MPDZ: variants seen among roughly 807,000 people sequenced by gnomAD.
The protein encoded by MPDZ is multiple PDZ domain crumbs cell polarity complex component.
In MPDZ, 234 loss-of-function variants were observed where a neutral mutation model predicts 239.1. The ratio of observed to expected loss-of-function variants is 0.98; its 90% CI spans 0.88 to 1.09. MPDZ has a LOEUF of 1.09. MPDZ is among the 50% of genes least tolerant of loss of function. The pLI is 0.00. For missense variants in MPDZ, 3,175 were observed against 2,510.0 expected (o/e 1.26, Z -5.66); for synonymous variants, 1,048 against 881.3 (o/e 1.19, Z -3.35).
intron 41 of MPDZ, 22 bp downstream of exon 41, chr9:13,113,909 T>TA (rs776472458): frequency 3.2e-6 from 5 of 1,552,228 alleles, no homozygotes; most frequent in Non-Finnish European, 8.7e-7. Flanking sequence ...AAACCATGTT[T>TA]AAAATACTGA....
At chr9:13,160,867 T>TAA (rs1416127048) in intron 23 of MPDZ, among the ~76,000 whole-genome samples, 6 of 128,732 alleles carry the variant, frequency 4.7e-5, no homozygotes, top group Admixed American at 1.5e-4. Context: ...TATATATATA[T>TAA]ATAAAACAGG....
chr9:13,216,775 G>T lies in MPDZ; in HGVS notation c.1289C>A (p.Ala430Glu). 1 of 1,596,716 alleles carries T rather than the reference G, an allele frequency of 6.3e-7. No homozygotes were observed. The highest frequency in any genetic ancestry group is 8.6e-7 in the Non-Finnish European group (1 of 1,166,550). ...GRIQIGDQIIAVDGTNLQGFT... is the reference protein window; with the variant it reads ...GRIQIGDQIIEVDGTNLQGFT... Reference sequence around the variant, plus strand: ...GCTATTGTTAAATGTGTAACTTACTGCTATAATTTGGTCTCCAATTTGGAT... The same window carrying T: ...GCTATTGTTAAATGTGTAACTTACTTCTATAATTTGGTCTCCAATTTGGAT... The change falls in exon 10 of 47, where the codon GCA becomes GAA. Residue 430 changes from alanine (A) to glutamate (E), a missense_variant and splice_region_variant. Ala to Glu is a moderately radical substitution (Grantham distance 107). Coordinates refer to ENST00000319217, the MANE Select transcript of MPDZ (RefSeq NM_001378778.1).
intron 21 of MPDZ, among the ~76,000 whole-genome samples, chr9:13,173,783 A>G (rs1462720775): frequency 6.6e-6 from 1 of 152,176 alleles, no homozygotes; most frequent in Non-Finnish European, 1.5e-5. Context: ...GGCTCTTACA[A>G]GAGCCTCCTA....
chr9:13,216,192 A>T (rs1261436428), intron 10 of MPDZ, among the ~76,000 whole-genome samples: 1 of 151,590 alleles, frequency 6.6e-6, no homozygotes, highest in Middle Eastern at 3.2e-3. Flanking sequence ...TGAACACTGA[A>T]ATTAAAGTTG....
chr9:13,125,242 C>T lies in MPDZ; in HGVS notation c.4781G>A (p.Gly1594Asp), dbSNP rs767530465. 3 of 1,606,454 alleles carry T rather than the reference C, an allele frequency of 1.9e-6. No homozygotes were observed. In the South Asian group the frequency reaches 3.3e-5, roughly 18 times the overall value. ...SSQSLMVPQS[G>D]SPEPESIRNT... is the part of the protein sequence containing the mutation. ...TCGGATGGACTCCGGTTCTGGGGAG[C>T]CAGACTGTGGGACCATCAGAGACTG... is the stretch of plus-strand genomic sequence containing the variant. Residue 1594 changes from glycine to aspartate, a missense_variant, in exon 35 of 47, where the codon GGC (glycine) becomes GAC (aspartate). By Grantham distance (94) the Gly-to-Asp change is moderately conservative. Transcript: ENST00000319217.
chr9:13,277,790 C>T (rs1974578314), intron 1 of MPDZ, among the ~76,000 whole-genome samples: 1 of 152,104 alleles, frequency 6.6e-6, no homozygotes, highest in South Asian at 2.1e-4. Flanking sequence ...GTCTTGAACT[C>T]CTGACCTTAA....
At chr9:13,154,787 A>T (rs962814318) in intron 24 of MPDZ, among the ~76,000 whole-genome samples, 1 of 152,146 alleles carries the variant, frequency 6.6e-6, no homozygotes, top group African/African-American at 2.4e-5. Context: ...TGTTATACCT[A>T]CCACACCTTG....
At chr9:13,152,947 C>T (rs1299051797) in intron 24 of MPDZ, among the ~76,000 whole-genome samples, 2 of 152,024 alleles carry the variant, frequency 1.3e-5, no homozygotes, top group African/African-American at 2.4e-5. Flanking sequence ...AGTCAGAGTT[C>T]AGGGTGTTGG....
rs776350852 is a variant in MPDZ at position 13,223,689 on chromosome 9, C to T, written c.415G>A (p.Glu139Lys). The change falls in exon 5 of 47, where the codon GAG becomes AAG. Residue 139 changes from glutamate to lysine, a missense_variant. Transcript: ENST00000319217. ...MAQGRHVEVF[E>K]LLKPPSGGLG... ...CCTCCAGATGGAGGTTTGAGGAGCT[C>T]AAAAACTTCTACATGGCGACCCTGT... 1 of 1,607,268 alleles carries T rather than the reference C, an allele frequency of 6.2e-7. No individual in the cohort carries two copies. The highest frequency in any genetic ancestry group is 8.5e-7 in the Non-Finnish European group (1 of 1,176,654).
chr9:13,205,742 C>A (rs1433564318), intron 11 of MPDZ, among the ~76,000 whole-genome samples, 174 bp downstream of exon 11: 1 of 152,154 alleles, frequency 6.6e-6, no homozygotes, highest in African/African-American at 2.4e-5. Context: ...TGGTTCCAGT[C>A]AATCCTGACT....
intron 1 of MPDZ, chr9:13,276,432 A>G (rs1398558463): frequency 1.3e-5 from 2 of 152,236 alleles, no homozygotes; most frequent in African/African-American, 4.8e-5. Context: ...CTAATTTACA[A>G]GAAAAAATGA....
chr9:13,247,198 G>A (rs1195691089), intron 3 of MPDZ, among the ~76,000 whole-genome samples: 1 of 152,116 alleles, frequency 6.6e-6, no homozygotes, highest in Non-Finnish European at 1.5e-5. Flanking sequence ...TCAAAATAGA[G>A]GTGATTTCCC....
At chr9:13,171,244 T>C (rs1289672472) in intron 21 of MPDZ, among the ~76,000 whole-genome samples, 4 of 152,120 alleles carry the variant, frequency 2.6e-5, no homozygotes, top group Admixed American at 1.3e-4. Flanking sequence ...TCATAAAATA[T>C]GTTTAAAATG....
chr9:13,132,518 G>A (rs1017193288), intron 32 of MPDZ, among the ~76,000 whole-genome samples: 5 of 152,192 alleles, frequency 3.3e-5, no homozygotes, highest in African/African-American at 9.6e-5. Flanking sequence ...GTAGCCTAAT[G>A]TGGAAATAGA....
rs759555902 is a variant in MPDZ, at chr9:13,107,100, A to C, written c.6078T>G (p.Ser2026=). 8 of 1,575,564 alleles carry C rather than the reference A, an allele frequency of 5.1e-6. No homozygotes were observed. Among genetic ancestry groups the C allele is most frequent in the African/African-American group, 1.3e-5 (1 of 74,470 alleles). The change falls in exon 47 of 47, where the codon TCT becomes TCG. Residue 2026 remains serine (S), a synonymous_variant. Transcript: ENST00000319217. ...CGCCCCTTTTCAGACGTCCGTCTTC[A>C]GAGGCTGCTCCCTGCAAATTATAAA... The part of the protein sequence containing the change: ...VKTVFAKGAA[S]EDGRLKRGDQ...
At chr9:13,143,641 A>C (rs993795224) in intron 26 of MPDZ, 77 bp from the exon 27 acceptor site, 3 of 1,122,608 alleles carry the variant, frequency 2.7e-6, no homozygotes, top group Non-Finnish European at 4.1e-6. Flanking sequence ...CAAAGTACAT[A>C]CCGATTTAAA....
At chr9:13,180,926 C>A (rs986854630) in intron 19 of MPDZ, among the ~76,000 whole-genome samples, 2 of 152,086 alleles carry the variant, frequency 1.3e-5, no homozygotes, top group African/African-American at 4.8e-5. Context: ...GGAAGAGCCC[C>A]AACATATGGC....
chr9:13,196,011 G>A (rs561201448), intron 13 of MPDZ, 110 bp downstream of exon 13: 424 of 707,472 alleles, frequency 6.0e-4, no homozygotes, highest in Non-Finnish European at 8.7e-4. Context: ...AAAAAGGCCT[G>A]TACATTTGAT....
At chr9:13,198,737 C>CTGTGTGTGTGTGTGTGTGTGTGTGTGTG (rs1554691393) in intron 12 of MPDZ, among the ~76,000 whole-genome samples, 1 of 69,794 alleles carries the variant, frequency 1.4e-5, no homozygotes, top group African/African-American at 5.5e-5. Context: ...ATCTCTCTCT[C>CTGTGTGTGTGTGTGTGTGTGTGTGTGTG]TGTGTGTGTG....
Sources: gnomAD v4.1 joint callset for allele counts (sites outside exome capture counted in the v4.1 genomes callset) on GRCh38, gnomAD v4.1.1 for gene constraint, MANE v1.5 for transcripts, NCBI Gene and HGNC (gene_info 2026-07-23, HGNC 2026-07-21) for gene names.